SHISA6: variants seen among roughly 807,000 people sequenced by gnomAD.
The protein encoded by SHISA6 is shisa family member 6, also known as protein shisa-6.
SHISA6 carries 22 observed loss-of-function variants against 47.9 expected under a neutral mutation model. The observed-to-expected ratio is 0.46, with a 90% CI of 0.33 to 0.66. SHISA6 has a LOEUF of 0.66. SHISA6 is among the 30% of genes least tolerant of loss of function. SHISA6 has a pLI of 0.02. For synonymous variants in SHISA6, 388 were observed against 337.8 expected, an observed-to-expected ratio of 1.15 and a Z score of -1.63; for missense variants, 680 against 764.6, an observed-to-expected ratio of 0.89 and a Z score of 1.30.
In SHISA6 at chr17:11,341,978, C is replaced by T. The variant is rs75852312; in HGVS notation, c.800-37436C>T. ...CCAGAGATGACAGCCCTCTGCAGCC[C>T]ACCCTCTCTGCACCTCCCCATCCTC... is the stretch of plus-strand genomic sequence containing the variant. On this transcript the variant is annotated intron_variant, in intron 2 of 5. Coordinates refer to ENST00000441885, the MANE Select transcript of SHISA6 (RefSeq NM_207386.4). Among the ~76,000 whole-genome samples, 1,327 of 152,186 alleles carry T rather than the reference C, an allele frequency of 8.7e-3. 19 individuals are homozygous for T. Among genetic ancestry groups the T allele is most frequent in the East Asian group, 0.062 (316 of 5,122 alleles).
intron 1 of SHISA6, among the ~76,000 whole-genome samples, chr17:11,251,143 G>A (rs1907786377): frequency 6.6e-6 from 1 of 152,120 alleles, no homozygotes; most frequent in African/African-American, 2.4e-5. Context: ...CTTCCTGAAT[G>A]TAATGGAGTC....
At chr17:11,397,150 A>G (rs1913597568) in intron 3 of SHISA6, among the ~76,000 whole-genome samples, 1 of 152,084 alleles carries the variant, frequency 6.6e-6, no homozygotes, top group South Asian at 2.1e-4. Context: ...TTTTTTTCCT[A>G]GTAGTTACCT....
intron 3 of SHISA6, among the ~76,000 whole-genome samples, chr17:11,507,743 T>A (rs1427434852): frequency 6.6e-6 from 1 of 152,232 alleles, no homozygotes; most frequent in African/African-American, 2.4e-5. Flanking sequence ...ATTGTTTTAA[T>A]GTGTCTCTTG....
intron 3 of SHISA6, among the ~76,000 whole-genome samples, chr17:11,448,149 A>G (rs1390392598): frequency 2.6e-5 from 4 of 152,204 alleles, no homozygotes; most frequent in African/African-American, 2.4e-5. Context: ...GCTAACATCT[A>G]TGGAGTATCT....
chr17:11,370,464 G>A (rs982007879), intron 2 of SHISA6, among the ~76,000 whole-genome samples: 5 of 152,266 alleles, frequency 3.3e-5, no homozygotes, highest in African/African-American at 1.2e-4. Context: ...CAAAGCACCA[G>A]TTTAAAAACA....
chr17:11,299,863 A>C (rs1909862962), intron 2 of SHISA6, among the ~76,000 whole-genome samples: 1 of 152,146 alleles, frequency 6.6e-6, no homozygotes, highest in Admixed American at 6.5e-5. Flanking sequence ...CAACACCTTC[A>C]GGTCAGGTGC....
intron 2 of SHISA6, among the ~76,000 whole-genome samples, chr17:11,267,556 GAAAC>G (rs1388873315): frequency 6.6e-6 from 1 of 152,106 alleles, no homozygotes; most frequent in African/African-American, 2.4e-5. Context: ...TATTAAAAAA[GAAAC>G]AAACAAAAAC....
chr17:11,438,868 A>G (rs1018042180), intron 3 of SHISA6, among the ~76,000 whole-genome samples: 2 of 152,184 alleles, frequency 1.3e-5, no homozygotes, highest in Non-Finnish European at 2.9e-5. Flanking sequence ...GAGTTATGGC[A>G]AGATTGGGTT....
intron 3 of SHISA6, among the ~76,000 whole-genome samples, chr17:11,492,049 G>A (rs923871583): frequency 2.6e-5 from 4 of 152,102 alleles, no homozygotes; most frequent in African/African-American, 9.7e-5. Flanking sequence ...GATTACAGGC[G>A]TGAGCCACCA....
intron 4 of SHISA6, among the ~76,000 whole-genome samples, chr17:11,552,835 A>T (rs2071942827): frequency 6.6e-6 from 1 of 152,232 alleles, no homozygotes; most frequent in Non-Finnish European, 1.5e-5. Context: ...TAGTATAATC[A>T]GATTTGTCAG....
chr17:11,422,587 T>G (rs1914479344), intron 3 of SHISA6, among the ~76,000 whole-genome samples: 1 of 152,002 alleles, frequency 6.6e-6, no homozygotes, highest in Non-Finnish European at 1.5e-5. Flanking sequence ...TTCATGGTAG[T>G]GTATCTCTAC....
chr17:11,484,955 T>C (rs1377345971), intron 3 of SHISA6, among the ~76,000 whole-genome samples: 1 of 152,176 alleles, frequency 6.6e-6, no homozygotes, highest in Non-Finnish European at 1.5e-5. Flanking sequence ...GCTTTTCCAA[T>C]TGATAAAAGA....
At chr17:11,456,721 A>G (rs1282273059) in intron 3 of SHISA6, among the ~76,000 whole-genome samples, 2 of 152,210 alleles carry the variant, frequency 1.3e-5, no homozygotes, top group East Asian at 3.9e-4. Flanking sequence ...CCCTCTGCAC[A>G]CGAAGAACTG....
At chr17:11,395,453 A>T (rs1314129844) in intron 3 of SHISA6, among the ~76,000 whole-genome samples, 3 of 143,480 alleles carry the variant, frequency 2.1e-5, no homozygotes, top group East Asian at 4.1e-4. Context: ...TTTATTGCTT[A>T]TTTTTATTAT....
intron 2 of SHISA6, among the ~76,000 whole-genome samples, chr17:11,328,774 G>T (rs531260976): frequency 6.6e-6 from 1 of 152,256 alleles, no homozygotes; most frequent in South Asian, 2.1e-4. Context: ...TGATGGAGAA[G>T]AAACAAAGAA....
At chr17:11,460,003 T>G (rs17699528) in intron 3 of SHISA6, among the ~76,000 whole-genome samples, 1 of 152,022 alleles carries the variant, frequency 6.6e-6, no homozygotes, top group East Asian at 1.9e-4. Context: ...AGACAAATGG[T>G]TGCAGAGTGG....
intron 2 of SHISA6, among the ~76,000 whole-genome samples, chr17:11,333,886 G>C (rs1039233179): frequency 6.6e-6 from 1 of 152,146 alleles, no homozygotes; most frequent in Non-Finnish European, 1.5e-5. Context: ...TTCTGGTCTG[G>C]AGAGCATGTG....
At chr17:11,369,026 G>A (rs1015414276) in intron 2 of SHISA6, among the ~76,000 whole-genome samples, 1 of 152,200 alleles carries the variant, frequency 6.6e-6, no homozygotes, top group African/African-American at 2.4e-5. Flanking sequence ...TACAGATGAA[G>A]ATAATTTAGA....
chr17:11,374,897 C>T (rs1251111299), intron 2 of SHISA6, among the ~76,000 whole-genome samples: 1 of 151,992 alleles, frequency 6.6e-6, no homozygotes, highest in Non-Finnish European at 1.5e-5. Context: ...TCATTGTTTT[C>T]ATTTCGCATT....
Sources: gnomAD v4.1 joint callset for allele counts (sites outside exome capture counted in the v4.1 genomes callset) on GRCh38, gnomAD v4.1.1 for gene constraint, MANE v1.5 for transcripts, NCBI Gene and HGNC (gene_info 2026-07-23, HGNC 2026-07-21) for gene names.